CHD9: variants seen among roughly 807,000 people sequenced by gnomAD.
CHD9 encodes chromodomain helicase DNA binding protein 9.
CHD9 carries 77 observed loss-of-function variants against 316.1 expected under a neutral mutation model. That is an observed-to-expected ratio of 0.24 (90% CI 0.20 to 0.29). The LOEUF is 0.29. Ranked by LOEUF, CHD9 falls within the 10% of genes least tolerant of loss-of-function variation. The pLI is 1.00. For missense variants in CHD9, 2,763 were observed against 3,438.1 expected (o/e 0.80, Z 4.91); for synonymous variants, 1,129 against 1,158.3 (o/e 0.97, Z 0.51).
chr16:53,318,065 A>G (rs1425248183), intron 36 of CHD9, 147 bp from the exon 37 acceptor site: 1 of 595,940 alleles, frequency 1.7e-6, no homozygotes, highest in Admixed American at 3.8e-5. Context: ...TCAAAAAAAA[A>G]TAAAATAAAA....
chr16:53,179,190 T>A (rs2043302553), intron 2 of CHD9, among the ~76,000 whole-genome samples: 1 of 152,232 alleles, frequency 6.6e-6, no homozygotes, highest in Non-Finnish European at 1.5e-5. Context: ...CCTCTAACTA[T>A]TTTATTAGAC....
At chr16:53,181,074 G>A (rs562925925) in intron 2 of CHD9, among the ~76,000 whole-genome samples, 11 of 149,750 alleles carry the variant, frequency 7.3e-5, no homozygotes, top group East Asian at 4.0e-4. Flanking sequence ...GCAATGGTCC[G>A]ATCTCAGCTT....
Position 53,113,355 on chromosome 16 carries a change from A to G in CHD9, c.-164-42571A>G, listed in dbSNP as rs115455472. 6.9e-3 allele frequency among the ~76,000 whole-genome samples: 997 copies of G among 144,308 alleles called. 10 individuals are homozygous for G. Among genetic ancestry groups the G allele is most frequent in the African/African-American group, 0.024 (961 of 39,900 alleles). The allele number at this position is 144,308 out of a possible 152,430, so 94.7% of individuals were successfully genotyped here. On this transcript the variant is annotated intron_variant, in intron 1 of 38. Coordinates refer to ENST00000447540, the MANE Select transcript of CHD9 (RefSeq NM_001308319.2). ...CCTGTGTTCTCTCTGTTTTACAAGA[A>G]TCTTGGCACTTTTTTTTTTTTTTTT...
chr16:53,116,460 G>T (rs902925758), intron 1 of CHD9, among the ~76,000 whole-genome samples: 10 of 152,230 alleles, frequency 6.6e-5, no homozygotes, highest in Non-Finnish European at 1.2e-4. Context: ...CAGGAGCCAG[G>T]ATAAGGTGTG....
At chr16:53,151,968 ATGTGTGTG>A (rs75657191) in intron 1 of CHD9, among the ~76,000 whole-genome samples, 1 of 147,384 alleles carries the variant, frequency 6.8e-6, no homozygotes, top group Non-Finnish European at 1.5e-5. Flanking sequence ...CTTTCAGGGT[ATGTGTGTG>A]TGTGTGTGTG....
Position 53,317,550 on chromosome 16 carries a change from T to TGGCAC in CHD9, c.7585-660_7585-656dup, listed in dbSNP as rs2056977095. ...CTTTGTTGCCCAGGCTGGAGTGCAG[T>TGGCAC]GGCACGATCATGGCTCACTGCAGCC... On this transcript the variant is annotated intron_variant, in intron 36 of 38. Coordinates refer to ENST00000447540, the MANE Select transcript of CHD9 (RefSeq NM_001308319.2). 2.6e-5 allele frequency among the ~76,000 whole-genome samples: 4 copies of TGGCAC among 152,136 alleles called. No homozygotes were observed. The South Asian group carries it at 8.3e-4, about 32-fold the overall frequency.
chr16:53,112,704 G>T (rs1452671820), intron 1 of CHD9, among the ~76,000 whole-genome samples: 1 of 152,100 alleles, frequency 6.6e-6, no homozygotes, highest in Non-Finnish European at 1.5e-5. Flanking sequence ...GAATGCTTAT[G>T]AATATTATCT....
intron 10 of CHD9, 79 bp downstream of exon 10, chr16:53,231,863 A>T: frequency 7.8e-7 from 1 of 1,283,434 alleles, no homozygotes; most frequent in African/African-American, 1.5e-5. Flanking sequence ...TAATTATATA[A>T]TGTTTTACTT....
At chr16:53,221,105 G>A (rs1038501507) in intron 3 of CHD9, among the ~76,000 whole-genome samples, 3 of 152,306 alleles carry the variant, frequency 2.0e-5, no homozygotes, top group Non-Finnish European at 2.9e-5. Flanking sequence ...CTAGAGCCTA[G>A]GAAAGTGCTT....
chr16:53,166,822 T>C (rs2042298819), intron 2 of CHD9, among the ~76,000 whole-genome samples: 1 of 151,682 alleles, frequency 6.6e-6, no homozygotes, highest in South Asian at 2.1e-4. Flanking sequence ...TTACAAATTA[T>C]GGAAAGAGGA....
intron 1 of CHD9, among the ~76,000 whole-genome samples, chr16:53,144,865 GC>G (rs1208719623): frequency 3.3e-5 from 5 of 151,776 alleles, no homozygotes; most frequent in African/African-American, 1.2e-4. Context: ...GGTGGCACAT[GC>G]TTTTAGTCTC....
rs1555482959 is a variant in CHD9 at position 53,098,491 on chromosome 16, AAG to A, written c.-165+43416_-165+43417del. ...ACTCCGTCTCAAAAAAAAAAAAAAA[AAG>A]AAAGAAAGAAAAGCTGGGAGGCCTG... On this transcript the variant is annotated intron_variant, in intron 1 of 38. Transcript: ENST00000447540. Among the ~76,000 whole-genome samples, 562 of 147,400 alleles carry A rather than the reference AAG, an allele frequency of 3.8e-3. 1 individual carries two copies. The highest frequency in any genetic ancestry group is 0.013 in the African/African-American group (536 of 40,278).
At chr16:53,264,884 G>A (rs543593144) in intron 20 of CHD9, among the ~76,000 whole-genome samples, 5 of 152,280 alleles carry the variant, frequency 3.3e-5, no homozygotes, top group African/African-American at 7.2e-5. Context: ...AGTGAGTGTG[G>A]TGGTAATAGA....
At chr16:53,235,795 A>G (rs1192797700) in intron 11 of CHD9, among the ~76,000 whole-genome samples, 2 of 152,288 alleles carry the variant, frequency 1.3e-5, no homozygotes, top group African/African-American at 4.8e-5. Context: ...CTGTTTTTCA[A>G]GGTTTTCAAA....
chr16:53,084,599 C>T (rs186534100), intron 1 of CHD9, among the ~76,000 whole-genome samples: 3 of 152,218 alleles, frequency 2.0e-5, no homozygotes, highest in Non-Finnish European at 2.9e-5. Flanking sequence ...AAAAATTAGC[C>T]GGGCGTGGTG....
intron 2 of CHD9, among the ~76,000 whole-genome samples, chr16:53,193,768 A>G (rs1392401171): frequency 6.6e-6 from 1 of 152,194 alleles, no homozygotes; most frequent in African/African-American, 2.4e-5. Context: ...TAGTTGAATG[A>G]TCTCATTTAA....
At chr16:53,090,780 G>A (rs2035863624) in intron 1 of CHD9, among the ~76,000 whole-genome samples, 1 of 152,164 alleles carries the variant, frequency 6.6e-6, no homozygotes, top group African/African-American at 2.4e-5. Flanking sequence ...CCCACTTGGG[G>A]GCAGGGGGGT....
chr16:53,148,161 C>G (rs377663115), intron 1 of CHD9, among the ~76,000 whole-genome samples: 1 of 152,132 alleles, frequency 6.6e-6, no homozygotes. Flanking sequence ...GAGCCAAGAT[C>G]GCACTGTTGC....
At chr16:53,075,237 A>G (rs2034423583) in intron 1 of CHD9, among the ~76,000 whole-genome samples, 1 of 152,166 alleles carries the variant, frequency 6.6e-6, no homozygotes, top group South Asian at 2.1e-4. Context: ...CTGTACCCCC[A>G]TTGTATCTAG....
Sources: gnomAD v4.1 joint callset for allele counts (sites outside exome capture counted in the v4.1 genomes callset) on GRCh38, gnomAD v4.1.1 for gene constraint, MANE v1.5 for transcripts, NCBI Gene and HGNC (gene_info 2026-07-23, HGNC 2026-07-21) for gene names.